The following HUWE1 variants were observed in gnomAD, a reference collection of about 807,000 sequenced individuals.
HUWE1 encodes the protein E3 ubiquitin-protein ligase HUWE1.
HUWE1 carries 18 observed loss-of-function variants against 299.4 expected under a neutral mutation model. That is an observed-to-expected ratio of 0.06 (90% CI 0.04 to 0.09). The LOEUF (loss-of-function observed/expected upper bound fraction) is 0.09. HUWE1 is among the 10% of genes least tolerant of loss of function. HUWE1 has a pLI of 1.00. For missense variants in HUWE1, 1,832 were observed against 3,462.3 expected (o/e 0.53, Z 11.82); for synonymous variants, 1,317 against 1,286.1 (o/e 1.02, Z -0.51).
Position 53,580,728 on chromosome X carries a change from C to T in HUWE1, c.5716+103G>A, listed in dbSNP as rs959623845. The T allele has an allele frequency of 9.7e-5, 77 of 790,763 alleles. No homozygotes were observed. The East Asian group carries it at 1.4e-3, about 14-fold the overall frequency. The allele number at this position is 790,763 out of a possible 1,213,427, so 65.2% of individuals were successfully genotyped here. On this transcript the variant is annotated intron_variant, in intron 43 of 83. Transcript: ENST00000262854. ...TAGCCAGCAAATGTCCTAATACTTG[C>T]CTAAGGAGGCTCTTCAAGTTACAGA...
At chrX:53,568,666 A>C in intron 49 of HUWE1, 26 bp downstream of exon 49, 1 of 1,194,493 alleles carries the variant, frequency 8.4e-7, no homozygotes, top group Non-Finnish European at 1.1e-6. Context: ...GAGAAGGAAA[A>C]GCCTGGGGCT....
At chrX:53,631,289 A>T in intron 11 of HUWE1, 125 bp downstream of exon 11, 1 of 561,643 alleles carries the variant, frequency 1.8e-6, no homozygotes, top group Non-Finnish European at 3.0e-6. Flanking sequence ...GAAGCTAACA[A>T]TTTGCCCATG....
chrX:53,643,616 T>C, intron 7 of HUWE1, among the ~76,000 whole-genome samples: 1 of 111,701 alleles, frequency 9.0e-6, no homozygotes, highest in Non-Finnish European at 1.9e-5. Flanking sequence ...CCCCCCAAAG[T>C]GTTGGGATTA....
rs782220621 is a variant in HUWE1, at chrX:53,551,821, C to G, written c.8882-341G>C. Among the ~76,000 whole-genome samples the G allele has an allele frequency of 1.9e-4, 21 of 111,670 alleles. No homozygotes were observed. The East Asian group carries it at 5.7e-3, about 30-fold the overall frequency. On this transcript the variant is annotated intron_variant, in intron 63 of 83. Transcript: ENST00000262854. ...AGCCACCGCGCCCAGCCTCTCACAC[C>G]TCTATTGGTGCCTAATATGTACTTG... is the stretch of plus-strand genomic sequence containing the variant.
intron 22 of HUWE1, among the ~76,000 whole-genome samples, chrX:53,615,443 G>T (rs1005807106): frequency 1.8e-5 from 2 of 110,529 alleles, no homozygotes; most frequent in Admixed American, 1.9e-4. Flanking sequence ...GTCCAGGCTG[G>T]TCTCAAACTC....
chrX:53,538,561 G>T, intron 76 of HUWE1, 107 bp from the exon 77 acceptor site: 2 of 611,110 alleles, frequency 3.3e-6, no homozygotes, highest in Non-Finnish European at 5.4e-6. Context: ...CTTATTTCAG[G>T]GCTCTAAAAG....
At chrX:53,595,620 C>G (rs1440661137) in intron 29 of HUWE1, among the ~76,000 whole-genome samples, 1 of 111,822 alleles carries the variant, frequency 8.9e-6, no homozygotes, top group Non-Finnish European at 1.9e-5. Context: ...TGGCACTCAA[C>G]AGATACCAAA....
intron 66 of HUWE1, 102 bp from the exon 67 acceptor site, chrX:53,549,607 G>A: frequency 1.4e-6 from 1 of 720,251 alleles, no homozygotes; most frequent in Non-Finnish European, 2.1e-6. Flanking sequence ...CTCCAAGGAG[G>A]CTTGAGAAAG....
At chrX:53,537,528 C>T (rs782265882) in intron 78 of HUWE1, 28 bp downstream of exon 78, 2 of 1,208,067 alleles carry the variant, frequency 1.7e-6, no homozygotes, top group South Asian at 3.5e-5. Context: ...TCCCACCCGC[C>T]ATCTTTTCTC....
At chrX:53,556,147 C>A (rs1317930177) in intron 60 of HUWE1, 5 of 340,636 alleles carry the variant, frequency 1.5e-5, no homozygotes, top group South Asian at 1.3e-4. Context: ...TTCCATGTCT[C>A]TTTTCTTCCA....
chrX:53,540,787 A>G (rs1285331624), intron 74 of HUWE1, among the ~76,000 whole-genome samples: 2 of 110,791 alleles, frequency 1.8e-5, no homozygotes, highest in Non-Finnish European at 3.8e-5. Context: ...ACACAACCCC[A>G]TCTTCTGGGT....
chrX:53,589,839 G>C, intron 35 of HUWE1, 23 bp from the exon 36 acceptor site: 1 of 1,190,444 alleles, frequency 8.4e-7, no homozygotes, highest in Non-Finnish European at 1.1e-6. Flanking sequence ...AAGGAAGTGT[G>C]AATAATACAC....
At chrX:53,645,273 A>C in intron 7 of HUWE1, 38 bp downstream of exon 7, 1 of 1,203,141 alleles carries the variant, frequency 8.3e-7, no homozygotes. Context: ...CATATGCTCC[A>C]ATTTTTGCAC....
chrX:53,666,113 T>C (rs1268222803), intron 3 of HUWE1, among the ~76,000 whole-genome samples: 5 of 112,775 alleles, frequency 4.4e-5, no homozygotes, highest in Non-Finnish European at 9.4e-5. Flanking sequence ...TCAGAAGTTA[T>C]TTTAAAATTA....
In HUWE1 at chrX:53,547,835, T is replaced by C. The variant is rs1478777538; in HGVS notation, c.10474A>G (p.Thr3492Ala). The C allele has an allele frequency of 5.0e-6, 6 of 1,195,327 alleles. No homozygotes were observed. The African/African-American group carries it at 1.1e-4, about 21-fold the overall frequency. Reference sequence around the variant, plus strand: ...GTGGAGGCGGCAGTGGTGGTGGTGGTAGATGTGGTTGAGGTGGCAGTGGTG... The same window carrying C: ...GTGGAGGCGGCAGTGGTGGTGGTGGCAGATGTGGTTGAGGTGGCAGTGGTG... Reference protein sequence around the residue: ...STTTATSTTSTTTTTAASTTP... With the variant: ...STTTATSTTSATTTTAASTTP... The change falls in exon 68 of 84, where the codon ACC (threonine) becomes GCC (alanine). Residue 3492 changes from threonine to alanine, a missense_variant. By Grantham distance (58) the Thr-to-Ala change is moderately conservative. Transcript: ENST00000262854.
chrX:53,567,341 T>A, intron 49 of HUWE1, among the ~76,000 whole-genome samples: 1 of 98,713 alleles, frequency 1.0e-5, no homozygotes, highest in South Asian at 5.2e-4. Context: ...AAAGGACAAT[T>A]TAGTCATCTT....
intron 3 of HUWE1, among the ~76,000 whole-genome samples, chrX:53,663,324 C>G (rs1393918280): frequency 8.9e-6 from 1 of 112,088 alleles, no homozygotes; most frequent in Non-Finnish European, 1.9e-5. Context: ...ACCAGCCTGA[C>G]CAACATGGTG....
At chrX:53,537,795 C>T in intron 77 of HUWE1, 99 bp from the exon 78 acceptor site, 1 of 865,282 alleles carries the variant, frequency 1.2e-6, no homozygotes, top group Admixed American at 2.8e-5. Context: ...TCCTTCTATC[C>T]TCCAAACACT....
chrX:53,583,772 G>T lies in HUWE1; in HGVS notation c.5306C>A (p.Pro1769His), dbSNP rs2063734385. ...IRACVSMLGVPVDPDTLHATL... is the reference protein window; with the variant it reads ...IRACVSMLGVHVDPDTLHATL... ...GGCATGCAAAGTATCTGGGTCCACA[G>T]GGACTCCCAGCATGCTCACGCAGGC... is the stretch of plus-strand genomic sequence containing the variant. Residue 1769 changes from proline (P) to histidine (H), a missense_variant, in exon 42 of 84, where the codon CCT becomes CAT. Pro to His is a moderately conservative substitution (Grantham distance 77, BLOSUM62 -2). Around this residue, in one of 15 missense-constraint regions of HUWE1, gnomAD observed 50 missense variants for 114.9 expected, o/e 0.44. Coordinates refer to ENST00000262854, the MANE Select transcript of HUWE1 (RefSeq NM_031407.7). 1 of 1,208,164 alleles carries T rather than the reference G, an allele frequency of 8.3e-7. No individual in the cohort carries two copies. Among genetic ancestry groups the T allele is most frequent in the Non-Finnish European group, 1.1e-6 (1 of 894,272 alleles).
Sources: allele counts gnomAD v4.1 joint callset (sites outside exome capture counted in the v4.1 genomes callset), GRCh38; gene constraint gnomAD v4.1.1; regional missense constraint gnomAD v4.1.1; transcripts MANE v1.5; gene names NCBI Gene and HGNC (gene_info 2026-07-23, HGNC 2026-07-21).